The following DNAH10 variants were observed in gnomAD, a reference collection of about 807,000 sequenced individuals.
DNAH10 encodes the protein dynein axonemal heavy chain 10, also known as axonemal beta dynein heavy chain 10.
A neutral mutation model predicts 506.6 loss-of-function variants in DNAH10; 348 were observed. The observed-to-expected ratio is 0.69, with a 90% CI of 0.63 to 0.75. The LOEUF is 0.75. DNAH10 is among the 30% of genes least tolerant of loss of function. The pLI is 0.00. For missense variants in DNAH10, 5,179 were observed against 5,787.1 expected, an observed-to-expected ratio of 0.89 and a Z score of 3.41; for synonymous variants, 2,059 against 2,198.6, an observed-to-expected ratio of 0.94 and a Z score of 1.78.
chr12:123,861,535 GCAAGGTAAGT>G (rs987219284), intron 39 of DNAH10, among the ~76,000 whole-genome samples: 23 of 152,308 alleles, frequency 1.5e-4, no homozygotes, highest in Middle Eastern at 3.4e-3. Context: ...ACGTTCTATG[GCAAGGTAAGT>G]CAAGGAAAGG....
At chr12:123,823,414 G>A (rs967769660) in intron 24 of DNAH10, among the ~76,000 whole-genome samples, 2 of 152,158 alleles carry the variant, frequency 1.3e-5, no homozygotes, top group African/African-American at 4.8e-5. Flanking sequence ...TGGCAGAAGG[G>A]ATGGGAGCTT....
chr12:123,799,410 G>A lies in DNAH10; in HGVS notation c.2289+39G>A, dbSNP rs199633728. 3 of 1,588,882 alleles carry A rather than the reference G, an allele frequency of 1.9e-6. No homozygotes were observed. The Admixed American group carries it at 5.2e-5, about 28-fold the overall frequency. On this transcript the variant is annotated intron_variant, in intron 14 of 78. Transcript: ENST00000673944. ...GCCCTCATTCCCGATTGCCGCGTGA[G>A]ACGATGGCGTCTGCCACATTTTCTC... is the stretch of plus-strand genomic sequence containing the variant.
chr12:123,827,469 G>A (rs1960110524), intron 25 of DNAH10, among the ~76,000 whole-genome samples: 1 of 152,126 alleles, frequency 6.6e-6, no homozygotes, highest in African/African-American at 2.4e-5. Flanking sequence ...CCATAGACAC[G>A]CGTGGCTTGT....
At chr12:123,934,873 T>A in intron 78 of DNAH10, 107 bp downstream of exon 78, 1 of 1,424,316 alleles carries the variant, frequency 7.0e-7, no homozygotes, top group Non-Finnish European at 9.5e-7. Context: ...CAGGGGTGCC[T>A]AAGCTTTATG....
At position 123,859,355 on chromosome 12, in the gene DNAH10, C is replaced by T. The variant is rs1012243759; in HGVS notation, c.6749+87C>T. 18 of 1,107,480 alleles carry T rather than the reference C, an allele frequency of 1.6e-5. No homozygotes were observed. In the African/African-American group the frequency reaches 2.6e-4, roughly 16 times the overall value. The allele number at this position is 1,107,480 out of a possible 1,614,324, so 68.6% of individuals were successfully genotyped here. Reference sequence around the variant, plus strand: ...GCCAGTATTACCAAGTCCCACTTTGCTCTCTGATTTCCTGGGAGGGTAAAT... The same window carrying T: ...GCCAGTATTACCAAGTCCCACTTTGTTCTCTGATTTCCTGGGAGGGTAAAT... On this transcript the variant is annotated intron_variant, in intron 38 of 78. Coordinates refer to ENST00000673944, the MANE Select transcript of DNAH10 (RefSeq NM_001372106.1).
rs149972617 is a variant in DNAH10 at position 123,871,271 on chromosome 12, C to T, written c.7640-186C>T. 1.5e-3 allele frequency among the ~76,000 whole-genome samples: 228 copies of T among 152,272 alleles called. 1 individual carries two copies. The South Asian group carries it at 0.016, about 11-fold the overall frequency. ...CCCTGGACTGTGGTGATGGTCGCGC[C>T]GCTGCAGAACTGTGCCAAAGTCAAT... is the stretch of plus-strand genomic sequence containing the variant. On this transcript the variant is annotated intron_variant, in intron 44 of 78. Coordinates refer to ENST00000673944, the MANE Select transcript of DNAH10 (RefSeq NM_001372106.1).
At position 123,916,639 on chromosome 12, in the gene DNAH10, C is replaced by CT; in HGVS notation, c.10906dup (p.Tyr3636LeufsTer2). ...TTATCCTGGGAGACAAGGAAGTGGA[C>CT]TATGATTCAAATTTCAGACTGTACC... On this transcript the variant is annotated frameshift_variant, in exon 63 of 79. Transcript: ENST00000673944. LOFTEE classifies it high-confidence loss of function. This position sits in a 1 kb window ranked among gnomAD's most constrained non-coding sequence, Gnocchi z 4.6. 6.2e-7 allele frequency: 1 copy of CT among 1,613,922 alleles called. No homozygotes were observed. Among genetic ancestry groups the CT allele is most frequent in the Non-Finnish European group, 8.5e-7 (1 of 1,179,870 alleles).
At chr12:123,766,901 CTTTTTTCTTTTT>C (rs918506686) in intron 1 of DNAH10, among the ~76,000 whole-genome samples, 2 of 137,038 alleles carry the variant, frequency 1.5e-5, no homozygotes, top group African/African-American at 6.4e-5. Flanking sequence ...CTTTTCTTTT[CTTTTTTCTTTTT>C]TTTTTTTTTT....
chr12:123,856,922 T>TAAAAAAA (rs1951415375), intron 36 of DNAH10, 134 bp from the exon 37 acceptor site: 1 of 494,406 alleles, frequency 2.0e-6, no homozygotes, highest in East Asian at 4.0e-5. Flanking sequence ...ATAAAATTGT[T>TAAAAAAA]AAAAATAATA....
chr12:123,866,000 T>A lies in DNAH10; in HGVS notation c.7094T>A (p.Met2365Lys). ...CCTGCAACTGTCTCTCGATGTGGAA[T>A]GGTTTATGTGGATCCTAAAAACTTG... ...ASPATVSRCG[M>K]VYVDPKNLKY... The change falls in exon 41 of 79, where the codon ATG (methionine) becomes AAG (lysine). Residue 2365 changes from methionine (M) to lysine (K), a missense_variant. Physicochemically the swap from Met to Lys is moderately conservative, Grantham distance 95. Transcript: ENST00000673944. The A allele has an allele frequency of 1.2e-6, 2 of 1,612,058 alleles. No individual in the cohort carries two copies. The highest frequency in any genetic ancestry group is 1.7e-6 in the Non-Finnish European group (2 of 1,179,426).
rs770503988 is a variant in DNAH10 at position 123,935,345 on chromosome 12, G to A, written c.13634G>A (p.Arg4545Gln). The stretch of plus-strand genomic sequence containing the variant: ...GCCTTTCCCTTGCAGAATACTTTCC[G>A]GACCCCCGTCTACACCACCTCCATG... ...AHRLKLQNTF[R>Q]TPVYTTSMRR... Residue 4545 changes from arginine (R) to glutamine (Q), a missense_variant, in exon 79 of 79, where the codon CGG becomes CAG. Coordinates refer to ENST00000673944, the MANE Select transcript of DNAH10 (RefSeq NM_001372106.1). The A allele has an allele frequency of 9.4e-6, 15 of 1,601,474 alleles. No homozygotes were observed. Among genetic ancestry groups the A allele is most frequent in the Middle Eastern group, 1.7e-4 (1 of 6,052 alleles).
At chr12:123,927,892 T>G in intron 69 of DNAH10, 1 of 159,478 alleles carries the variant, frequency 6.3e-6, no homozygotes, top group Non-Finnish European at 1.4e-5. Context: ...CCAGCACTCA[T>G]GTGTTTTAAG....
intron 30 of DNAH10, among the ~76,000 whole-genome samples, chr12:123,842,034 C>T (rs530804244): frequency 7.9e-5 from 12 of 152,314 alleles, no homozygotes; most frequent in African/African-American, 2.6e-4. Context: ...AGCAGTCTTT[C>T]AATGATCACC....
At chr12:123,934,939 A>G in intron 78 of DNAH10, 173 bp downstream of exon 78, 1 of 854,688 alleles carries the variant, frequency 1.2e-6, no homozygotes. Flanking sequence ...CTTCCTGGAA[A>G]AGGCGCGGCT....
chr12:123,836,991 A>G (rs1452733719), intron 28 of DNAH10, among the ~76,000 whole-genome samples: 1 of 151,126 alleles, frequency 6.6e-6, no homozygotes, highest in East Asian at 2.0e-4. Context: ...AGCTGGGACT[A>G]CAGGTGCCCA....
chr12:123,826,241 A>G (rs193183584), intron 24 of DNAH10, among the ~76,000 whole-genome samples: 6 of 152,336 alleles, frequency 3.9e-5, no homozygotes, highest in African/African-American at 1.4e-4. Flanking sequence ...CCTCAACCTG[A>G]TGGTTTGTAA....
In DNAH10 at chr12:123,813,598, G is replaced by A; in HGVS notation, c.3579G>A (p.Glu1193=). The part of the protein sequence containing the change: ...WVISLGKLLN[E]SAKEELYNLH... ...TTTCGCTTGGAAAACTTCTCAATGA[G>A]TCAGCAAAAGAGGAGCTCTATAATC... Residue 1193 remains glutamate, a synonymous_variant, in exon 20 of 79, where the codon GAG becomes GAA. Transcript: ENST00000673944. The A allele has an allele frequency of 2.5e-6, 4 of 1,614,198 alleles. No homozygotes were observed. The highest frequency in any genetic ancestry group is 3.4e-6 in the Non-Finnish European group (4 of 1,180,032).
At position 123,918,720 on chromosome 12, in the gene DNAH10, C is replaced by T. The variant is rs770239948; in HGVS notation, c.11277C>T (p.Ile3759=). The T allele has an allele frequency of 3.1e-6, 5 of 1,592,066 alleles. No homozygotes were observed. The highest frequency in any genetic ancestry group is 1.7e-4 in the Middle Eastern group (1 of 6,006). ...LKLAEKTALD[I]DRLRDGYRPA... is the part of the protein sequence containing the mutation. The stretch of plus-strand genomic sequence containing the variant: ...TGGCGGAGAAGACAGCCTTGGACAT[C>T]GACAGGCTGCGGGATGGCTACCGGC... The change falls in exon 65 of 79, where the codon ATC becomes ATT. Residue 3759 remains isoleucine, a synonymous_variant. Coordinates refer to ENST00000673944, the MANE Select transcript of DNAH10 (RefSeq NM_001372106.1).
intron 47 of DNAH10, among the ~76,000 whole-genome samples, 183 bp downstream of exon 47, chr12:123,875,674 T>C (rs1375431527): frequency 6.6e-6 from 1 of 152,238 alleles, no homozygotes; most frequent in African/African-American, 2.4e-5. Context: ...ACGATGCCAT[T>C]ATAAAATGTA....
Sources: gnomAD v4.1 joint callset for allele counts (sites outside exome capture counted in the v4.1 genomes callset) on GRCh38, gnomAD v4.1.1 for gene constraint, Gnocchi (gnomAD v3.1) non-coding constraint, MANE v1.5 for transcripts, NCBI Gene and HGNC (gene_info 2026-07-23, HGNC 2026-07-21) for gene names.